Variants in SLC7A7 observed in about 807,000 individuals in gnomAD.
SLC7A7 encodes Y+L amino acid transporter 1.
Under a neutral mutation model 47.9 loss-of-function variants are expected in SLC7A7, and 39 were observed. The ratio of observed to expected loss-of-function variants is 0.81; its 90% CI spans 0.63 to 1.06. SLC7A7 has a LOEUF of 1.06. SLC7A7 is among the 50% of genes least tolerant of loss of function. SLC7A7 has a pLI of 0.00. For missense variants in SLC7A7, 588 were observed against 632.0 expected (o/e 0.93, Z 0.75); for synonymous variants, 234 against 242.8 (o/e 0.96, Z 0.34).
intron 2 of SLC7A7, among the ~76,000 whole-genome samples, chr14:22,789,115 C>T (rs554071750): frequency 1.6e-4 from 24 of 152,188 alleles, no homozygotes; most frequent in Non-Finnish European, 2.5e-4. Context: ...CCCTTCTGCT[C>T]GTACTTCACT....
chr14:22,793,969 G>T (rs540650834), intron 2 of SLC7A7, among the ~76,000 whole-genome samples: 6 of 152,034 alleles, frequency 3.9e-5, no homozygotes, highest in African/African-American at 1.4e-4. Flanking sequence ...CAATAAACTG[G>T]CTTAGCTGAT....
chr14:22,792,577 G>C (rs983994631), intron 2 of SLC7A7, among the ~76,000 whole-genome samples: 8 of 152,118 alleles, frequency 5.3e-5, no homozygotes, highest in African/African-American at 1.7e-4. Flanking sequence ...TTTTTGACCA[G>C]GCGTGGTGGT....
intron 8 of SLC7A7, 63 bp from the exon 9 acceptor site, chr14:22,774,179 C>G (rs2038544424): frequency 6.3e-7 from 1 of 1,598,716 alleles, no homozygotes; most frequent in Admixed American, 1.7e-5. Context: ...TAAAATAACC[C>G]CACCTCCCAT....
At chr14:22,791,139 T>G (rs2038917643) in intron 2 of SLC7A7, among the ~76,000 whole-genome samples, 1 of 152,202 alleles carries the variant, frequency 6.6e-6, no homozygotes, top group Non-Finnish European at 1.5e-5. Flanking sequence ...GCCTTTATTC[T>G]CTGCTATGTA....
chr14:22,800,816 G>A (rs902735572), intron 2 of SLC7A7, among the ~76,000 whole-genome samples: 3 of 152,104 alleles, frequency 2.0e-5, no homozygotes, highest in Non-Finnish European at 4.4e-5. Context: ...GGGCACGCCT[G>A]TAATCCCAGC....
intron 2 of SLC7A7, among the ~76,000 whole-genome samples, chr14:22,805,111 TA>T (rs60984950): frequency 0.37 from 55,657 of 151,738 alleles, 11,896 homozygotes; most frequent in Non-Finnish European, 0.47. Context: ...CTCATGCCTG[TA>T]ATCCCAGCAC....
At chr14:22,774,214 T>C in intron 8 of SLC7A7, 98 bp from the exon 9 acceptor site, 1 of 1,587,088 alleles carries the variant, frequency 6.3e-7, no homozygotes, top group Non-Finnish European at 8.6e-7. Flanking sequence ...TGAGCCTTCT[T>C]TCCATACCTT....
chr14:22,798,494 G>T (rs1490281488), intron 2 of SLC7A7, among the ~76,000 whole-genome samples: 3 of 152,146 alleles, frequency 2.0e-5, no homozygotes, highest in Non-Finnish European at 4.4e-5. Flanking sequence ...CTGACTCAGG[G>T]CACCCAATCA....
upstream of SLC7A7, among the ~76,000 whole-genome samples, chr14:22,818,105 T>C (rs545575743): frequency 9.9e-5 from 15 of 151,718 alleles, no homozygotes; most frequent in South Asian, 3.1e-3. Flanking sequence ...GCATGTGTCC[T>C]AATATGACGT....
chr14:22,781,029 A>T (rs10147613), intron 2 of SLC7A7, among the ~76,000 whole-genome samples: 1,737 of 152,206 alleles, frequency 0.011, 34 homozygotes, highest in African/African-American at 0.037. Flanking sequence ...GGAAAAAAAA[A>T]TACAGATCTT....
At chr14:22,789,321 T>TA (rs2038881207) in intron 2 of SLC7A7, among the ~76,000 whole-genome samples, 1 of 152,114 alleles carries the variant, frequency 6.6e-6, no homozygotes, top group Non-Finnish European at 1.5e-5. Flanking sequence ...AAGGGAGAAT[T>TA]AAAGTTGCAG....
At chr14:22,774,210 T>G (rs1214113973) in intron 8 of SLC7A7, 94 bp from the exon 9 acceptor site, 28 of 1,587,982 alleles carry the variant, frequency 1.8e-5, no homozygotes, top group Non-Finnish European at 2.2e-5. Flanking sequence ...GCACTGAGCC[T>G]TCTTTCCATA....
intron 2 of SLC7A7, among the ~76,000 whole-genome samples, chr14:22,791,124 T>C (rs533675159): frequency 1.4e-4 from 21 of 152,148 alleles, no homozygotes; most frequent in Non-Finnish European, 7.4e-5. Flanking sequence ...GAGCAACTCC[T>C]CTCTGCCTTT....
chr14:22,779,063 C>T (rs960496332), intron 3 of SLC7A7, 126 bp from the exon 4 acceptor site: 31 of 1,134,336 alleles, frequency 2.7e-5, no homozygotes, highest in Admixed American at 1.2e-4. Flanking sequence ...ACACCTTTGG[C>T]AGCAAGAGTA....
intron 3 of SLC7A7, 34 bp downstream of exon 3, chr14:22,779,892 A>T: frequency 6.2e-7 from 1 of 1,609,580 alleles, no homozygotes; most frequent in Non-Finnish European, 8.5e-7. Context: ...AAAATGCTTA[A>T]AAAAGATTAG....
rs1349699216 is a variant in SLC7A7 at position 22,815,425 on chromosome 14, C to G, written c.-148G>C. 4.4e-6 allele frequency: 2 copies of G among 454,272 alleles called. No individual in the cohort carries two copies. The highest frequency in any genetic ancestry group is 8.8e-6 in the Non-Finnish European group (2 of 226,790). 28.1% of individuals were successfully genotyped at this position (454,272 alleles called of 1,614,324 possible). A position where few individuals can be genotyped will look rare whatever the true frequency, so the allele number is the denominator to read the frequency against. Reference sequence around the variant, plus strand: ...TCTGATGCTCCTCCTTCCCAGCCAGCAGTAAAAGGGAAGGCCAGACAAATG... The same window carrying G: ...TCTGATGCTCCTCCTTCCCAGCCAGGAGTAAAAGGGAAGGCCAGACAAATG... On this transcript the variant is annotated 5_prime_UTR_variant, in exon 1 of 10. Coordinates refer to ENST00000674313, the MANE Select transcript of SLC7A7 (RefSeq NM_003982.4).
At chr14:22,815,109 A>G (rs538373163) in intron 1 of SLC7A7, 12 of 349,732 alleles carry the variant, frequency 3.4e-5, no homozygotes, top group African/African-American at 2.6e-4. Flanking sequence ...ACCCCGAGCC[A>G]AGGCAGGGAG....
intron 2 of SLC7A7, among the ~76,000 whole-genome samples, chr14:22,792,250 A>G (rs1419219511): frequency 6.6e-6 from 1 of 152,012 alleles, no homozygotes; most frequent in Non-Finnish European, 1.5e-5. Flanking sequence ...CCTTCAAATT[A>G]TTTTACCTTT....
intron 2 of SLC7A7, among the ~76,000 whole-genome samples, chr14:22,785,917 G>A (rs1386824287): frequency 6.6e-6 from 1 of 151,584 alleles, no homozygotes; most frequent in Non-Finnish European, 1.5e-5. Context: ...AGACACTCAG[G>A]AGGCTGAGGC....
Sources: gnomAD v4.1 joint callset for allele counts (sites outside exome capture counted in the v4.1 genomes callset) on GRCh38, gnomAD v4.1.1 for gene constraint, MANE v1.5 for transcripts, NCBI Gene and HGNC (gene_info 2026-07-23, HGNC 2026-07-21) for gene names.